CSMD3: variants seen among roughly 807,000 people sequenced by gnomAD.
The protein encoded by CSMD3 is CUB and sushi domain-containing protein 3.
CSMD3 carries 177 observed loss-of-function variants against 435.2 expected under a neutral mutation model. That is an observed-to-expected ratio of 0.41 (90% confidence interval 0.36 to 0.46). The LOEUF (loss-of-function observed/expected upper bound fraction) is 0.46. Ranked by LOEUF, CSMD3 falls within the 20% of genes least tolerant of loss-of-function variation. CSMD3 has a pLI of 0.34. For synonymous variants in CSMD3, 1,656 were observed against 1,520.5 expected, an observed-to-expected ratio of 1.09 and a Z score of -2.07; for missense variants, 4,265 against 4,504.6, an observed-to-expected ratio of 0.95 and a Z score of 1.52.
chr8:113,225,166 C>A (rs923363716), intron 3 of CSMD3, among the ~76,000 whole-genome samples: 1 of 151,284 alleles, frequency 6.6e-6, no homozygotes, highest in Non-Finnish European at 1.5e-5. Flanking sequence ...TGTTACCTAA[C>A]GTCCTAGGAT....
At chr8:112,937,353 T>G (rs2083312189) in intron 9 of CSMD3, among the ~76,000 whole-genome samples, 1 of 37,800 alleles carries the variant, frequency 2.6e-5, no homozygotes, top group East Asian at 1.1e-3. Flanking sequence ...GGTAATAATG[T>G]TTTTTTTTTT....
intron 57 of CSMD3, among the ~76,000 whole-genome samples, chr8:112,288,578 T>A (rs879352954): frequency 1.3e-5 from 2 of 151,770 alleles, no homozygotes; most frequent in Non-Finnish European, 2.9e-5. Context: ...TAAAGTAGTG[T>A]AAAGACAATG....
intron 5 of CSMD3, among the ~76,000 whole-genome samples, chr8:113,063,420 A>C (rs1057512860): frequency 6.6e-6 from 1 of 151,990 alleles, no homozygotes; most frequent in East Asian, 1.9e-4. Flanking sequence ...TTTATACTAA[A>C]AATAGCATGC....
chr8:113,008,608 A>C (rs2086143940), intron 6 of CSMD3, among the ~76,000 whole-genome samples: 2 of 151,702 alleles, frequency 1.3e-5, no homozygotes, highest in South Asian at 4.1e-4. Context: ...TTCATTACAC[A>C]CAACTTTATT....
chr8:112,607,725 A>G (rs1832912223), intron 22 of CSMD3, among the ~76,000 whole-genome samples: 1 of 152,196 alleles, frequency 6.6e-6, no homozygotes, highest in South Asian at 2.1e-4. Flanking sequence ...TCATCTCAAT[A>G]GATGCAGAAA....
intron 20 of CSMD3, 141 bp from the exon 21 acceptor site, chr8:112,639,052 ATATATGT>A (rs2074743636): frequency 3.2e-6 from 2 of 627,624 alleles, no homozygotes; most frequent in Admixed American, 5.4e-5. Flanking sequence ...AATATTCCAA[ATATATGT>A]TATATTATTC....
chr8:112,286,947 T>G (rs1006689777), intron 58 of CSMD3, 117 bp downstream of exon 58: 2 of 824,752 alleles, frequency 2.4e-6, no homozygotes, highest in African/African-American at 3.4e-5. Context: ...CTGTTTTATT[T>G]CATAGTTGCA....
Position 113,098,963 on chromosome 8 carries a change from G to T in CSMD3, c.710C>A (p.Ala237Asp). Residue 237 changes from alanine (A) to aspartate (D), a missense_variant and splice_region_variant, in exon 5 of 71, where the codon GCT (alanine) becomes GAT (aspartate). Ala to Asp is a moderately radical substitution (Grantham distance 126). Transcript: ENST00000297405. ...CATTGTTCCTCCACAAGCATCTTCA[G>T]CTGTTAAAAATGACAAAATATTCAG... ...SWDFPVPICR[A>D]EDACGGTMRG... The T allele has an allele frequency of 1.2e-6, 2 of 1,601,412 alleles. No homozygotes were observed. Among genetic ancestry groups the T allele is most frequent in the Non-Finnish European group, 1.7e-6 (2 of 1,168,922 alleles).
chr8:113,163,306 T>C (rs181318406), intron 4 of CSMD3, among the ~76,000 whole-genome samples: 46 of 152,152 alleles, frequency 3.0e-4, no homozygotes, highest in Admixed American at 2.9e-3. Context: ...CTCATCTCCG[T>C]TGTTTAGAAA....
At chr8:112,845,068 T>G (rs2080281269) in intron 11 of CSMD3, among the ~76,000 whole-genome samples, 1 of 152,012 alleles carries the variant, frequency 6.6e-6, no homozygotes, top group Non-Finnish European at 1.5e-5. Context: ...GCCATTTGCA[T>G]ATTTTGCCTA....
chr8:113,144,687 A>G (rs1252739216), intron 4 of CSMD3, among the ~76,000 whole-genome samples: 1 of 151,338 alleles, frequency 6.6e-6, no homozygotes, highest in Non-Finnish European at 1.5e-5. Context: ...TATCTGGTCC[A>G]ATTTACTTTA....
At chr8:113,360,849 A>T (rs2094270583) in intron 1 of CSMD3, among the ~76,000 whole-genome samples, 1 of 152,154 alleles carries the variant, frequency 6.6e-6, no homozygotes, top group Non-Finnish European at 1.5e-5. Flanking sequence ...CTGGGATTAC[A>T]GGCGTGAGCC....
intron 3 of CSMD3, among the ~76,000 whole-genome samples, chr8:113,256,343 T>A (rs2093380665): frequency 6.6e-6 from 1 of 152,168 alleles, no homozygotes; most frequent in Non-Finnish European, 1.5e-5. Flanking sequence ...TTTGGACTTG[T>A]AATAATTTAA....
chr8:112,787,816 A>G (rs1047028937), intron 13 of CSMD3, among the ~76,000 whole-genome samples: 15 of 152,240 alleles, frequency 9.9e-5, no homozygotes, highest in Admixed American at 7.9e-4. Context: ...TCGGGAGAGG[A>G]GGTATGTGGT....
At chr8:113,099,452 G>T (rs964581673) in intron 4 of CSMD3, among the ~76,000 whole-genome samples, 3 of 151,920 alleles carry the variant, frequency 2.0e-5, no homozygotes, top group Non-Finnish European at 2.9e-5. Context: ...TGTTTCAGAA[G>T]TTATTGAAAA....
At chr8:113,022,492 A>G (rs1380350607) in intron 5 of CSMD3, among the ~76,000 whole-genome samples, 1 of 151,886 alleles carries the variant, frequency 6.6e-6, no homozygotes. Flanking sequence ...AATAAATAAT[A>G]TATATTTCAG....
At chr8:112,481,893 C>T (rs971295725) in intron 31 of CSMD3, among the ~76,000 whole-genome samples, 7 of 152,072 alleles carry the variant, frequency 4.6e-5, no homozygotes, top group Non-Finnish European at 8.8e-5. Context: ...TTTTATGTCT[C>T]CCCTATAACA....
At chr8:113,412,772 T>C (rs1292644765) in intron 1 of CSMD3, among the ~76,000 whole-genome samples, 4 of 151,930 alleles carry the variant, frequency 2.6e-5, no homozygotes, top group African/African-American at 7.2e-5. Flanking sequence ...ACGATTGTTT[T>C]TAATCCTTAC....
chr8:113,236,796 G>T (rs1377469856), intron 3 of CSMD3, among the ~76,000 whole-genome samples: 25 of 151,886 alleles, frequency 1.6e-4, no homozygotes, highest in Admixed American at 1.6e-3. Flanking sequence ...TCTAATAACC[G>T]CCTCTCATCT....
Sources: gnomAD v4.1 joint callset for allele counts (sites outside exome capture counted in the v4.1 genomes callset) on GRCh38, gnomAD v4.1.1 for gene constraint, MANE v1.5 for transcripts, NCBI Gene and HGNC (gene_info 2026-07-23, HGNC 2026-07-21) for gene names.